The following FBN2 variants were observed in gnomAD, a reference collection of about 807,000 sequenced individuals.
The protein encoded by FBN2 is fibrillin 2, also known as fibrillin-2.
In FBN2, 105 loss-of-function variants were observed where a neutral mutation model predicts 355.6. That is an observed-to-expected ratio of 0.30 (90% CI 0.25 to 0.35). FBN2 has a LOEUF of 0.35. Ranked by LOEUF, FBN2 falls within the 10% of genes least tolerant of loss-of-function variation. The pLI is 1.00. For missense variants in FBN2, 3,280 were observed against 3,758.7 expected (o/e 0.87, Z 3.33); for synonymous variants, 1,350 against 1,301.2 (o/e 1.04, Z -0.81).
chr5:128,461,500 G>T (rs1561468420), intron 6 of FBN2, among the ~76,000 whole-genome samples: 1 of 152,084 alleles, frequency 6.6e-6, no homozygotes. Context: ...CCCATTAGTG[G>T]GTGTATACCC....
chr5:128,473,591 T>C (rs1185992883), intron 5 of FBN2, among the ~76,000 whole-genome samples: 1 of 152,170 alleles, frequency 6.6e-6, no homozygotes, highest in African/African-American at 2.4e-5. Flanking sequence ...CTACACTATG[T>C]TCCTTCACCC....
chr5:128,361,606 T>A, intron 19 of FBN2, 117 bp downstream of exon 19: 1 of 1,305,566 alleles, frequency 7.7e-7, no homozygotes, highest in Non-Finnish European at 1.1e-6. Flanking sequence ...AATGAGATTA[T>A]AAAATAAAAT....
At chr5:128,467,959 T>C (rs562885524) in intron 5 of FBN2, among the ~76,000 whole-genome samples, 4 of 152,314 alleles carry the variant, frequency 2.6e-5, no homozygotes, top group Non-Finnish European at 5.9e-5. Flanking sequence ...CAAATAACTA[T>C]AGGAAGGTGT....
At chr5:128,429,000 G>A (rs1041533413) in intron 7 of FBN2, among the ~76,000 whole-genome samples, 4 of 152,170 alleles carry the variant, frequency 2.6e-5, no homozygotes, top group Non-Finnish European at 4.4e-5. Flanking sequence ...CCACCCTCCA[G>A]GTAGTTGCAT....
intron 21 of FBN2, among the ~76,000 whole-genome samples, chr5:128,350,380 G>A (rs1402279177): frequency 4.6e-5 from 7 of 152,074 alleles, no homozygotes; most frequent in African/African-American, 9.7e-5. Context: ...GTGAAACCCC[G>A]TCTCTACTAA....
At position 128,263,474 on chromosome 5, in the gene FBN2, C is replaced by G. The variant is rs772569905; in HGVS notation, c.8143G>C (p.Gly2715Arg). 8 of 1,613,982 alleles carry G rather than the reference C, an allele frequency of 5.0e-6. No homozygotes were observed. Among genetic ancestry groups the G allele is most frequent in the Non-Finnish European group, 4.2e-6 (5 of 1,180,014 alleles). The change falls in exon 63 of 65, where the codon GGG becomes CGG. Residue 2715 changes from glycine to arginine, a missense_variant. Around this residue, in one of 6 missense-constraint regions of FBN2, gnomAD observed 311 missense variants for 319.1 expected, o/e 0.97. Transcript: ENST00000262464. ...GGGGGGCAGCCACAGAGGTAGCCCC[C>G]CTCCGTGTTAGAGCAGCCGTAATTG... The part of the protein sequence containing the change: ...PCNYGCSNTE[G>R]GYLCGCPPGY...
At chr5:128,510,367 A>G (rs1756081359) in intron 5 of FBN2, among the ~76,000 whole-genome samples, 1 of 152,254 alleles carries the variant, frequency 6.6e-6, no homozygotes, top group African/African-American at 2.4e-5. Flanking sequence ...CAGGTGGGGC[A>G]AACTTCCATG....
intron 55 of FBN2, among the ~76,000 whole-genome samples, chr5:128,284,688 G>A (rs1246726105): frequency 6.6e-6 from 1 of 152,188 alleles, no homozygotes; most frequent in Non-Finnish European, 1.5e-5. Flanking sequence ...GTAATTTAGG[G>A]AGTCGTGTGG....
Position 128,308,289 on chromosome 5 carries a change from T to C in FBN2, c.5353+958A>G, listed in dbSNP as rs572351040. On this transcript the variant is annotated intron_variant, in intron 41 of 64. Coordinates refer to ENST00000262464, the MANE Select transcript of FBN2 (RefSeq NM_001999.4). The stretch of plus-strand genomic sequence containing the variant: ...ATCAATGATCTTAAATTTGTAACTA[T>C]GGAGTTTTAAAGTTGAGAATTGTAG... Among the ~76,000 whole-genome samples, 50 of 152,254 alleles carry C rather than the reference T, an allele frequency of 3.3e-4. 1 individual carries two copies. The South Asian group carries it at 5.8e-3, about 18-fold the overall frequency.
In FBN2 at chr5:128,479,976, CTATATATATATATATATATATATA is replaced by C. The variant is rs200921131; in HGVS notation, c.629-15079_629-15056del. Among the ~76,000 whole-genome samples the C allele has an allele frequency of 9.8e-3, 284 of 29,026 alleles. 5 individuals carry two copies. The highest frequency in any genetic ancestry group is 0.022 in the Admixed American group (39 of 1,768). 19.0% of individuals were successfully genotyped at this position (29,026 alleles called of 152,430 possible). On this transcript the variant is annotated intron_variant, in intron 5 of 64. Transcript: ENST00000262464. ...TCTCTCTCTCTCTCTCTCTCTCTCT[CTATATATATATATATATATATATA>C]TATATATATATATATATATATATGT...
chr5:128,279,487 T>C (rs1765479605), intron 56 of FBN2, among the ~76,000 whole-genome samples: 1 of 152,084 alleles, frequency 6.6e-6, no homozygotes, highest in Non-Finnish European at 1.5e-5. Context: ...AGATTAGAGA[T>C]AACAATAAAC....
At chr5:128,464,370 G>C (rs549871012) in intron 6 of FBN2, among the ~76,000 whole-genome samples, 1 of 152,184 alleles carries the variant, frequency 6.6e-6, no homozygotes, top group South Asian at 2.1e-4. Flanking sequence ...ATGAGATAAA[G>C]AGAAAAAATA....
intron 53 of FBN2, among the ~76,000 whole-genome samples, chr5:128,288,113 A>G (rs1017262113): frequency 6.6e-6 from 1 of 152,186 alleles, no homozygotes; most frequent in Admixed American, 6.5e-5. Context: ...ATCATTCACA[A>G]TATCCAGAGT....
chr5:128,471,223 C>T (rs1754852006), intron 5 of FBN2, among the ~76,000 whole-genome samples: 1 of 151,908 alleles, frequency 6.6e-6, no homozygotes. Flanking sequence ...GAGTTTTTGA[C>T]CAACAATTCT....
intron 7 of FBN2, among the ~76,000 whole-genome samples, chr5:128,431,142 G>A (rs958762213): frequency 6.6e-6 from 1 of 152,194 alleles, no homozygotes; most frequent in Non-Finnish European, 1.5e-5. Context: ...GGAGGTGATA[G>A]TTGGGAATAA....
At chr5:128,530,514 C>A (rs2112801483) in intron 3 of FBN2, 81 bp downstream of exon 3, 1 of 912,688 alleles carries the variant, frequency 1.1e-6, no homozygotes, top group East Asian at 2.5e-5. Context: ...GTTAAAACTC[C>A]CTGGCACATA....
chr5:128,515,605 G>A (rs1319418825), intron 5 of FBN2, among the ~76,000 whole-genome samples: 1 of 152,138 alleles, frequency 6.6e-6, no homozygotes, highest in African/African-American at 2.4e-5. Context: ...TTCATAAAAG[G>A]TAACCTAAAT....
chr5:128,477,439 C>T (rs978820381), intron 5 of FBN2, among the ~76,000 whole-genome samples: 5 of 152,078 alleles, frequency 3.3e-5, no homozygotes, highest in South Asian at 2.1e-4. Context: ...CCTGGAATTA[C>T]GAGTTGGCTA....
intron 15 of FBN2, 56 bp downstream of exon 15, chr5:128,374,572 T>C: frequency 1.2e-6 from 2 of 1,607,578 alleles, no homozygotes; most frequent in Admixed American, 3.3e-5. Context: ...AATATCTCTG[T>C]CAGTTTTTCA....
Sources: allele counts gnomAD v4.1 joint callset (sites outside exome capture counted in the v4.1 genomes callset), GRCh38; gene constraint gnomAD v4.1.1; regional missense constraint gnomAD v4.1.1; transcripts MANE v1.5; gene names NCBI Gene and HGNC (gene_info 2026-07-23, HGNC 2026-07-21).